IL1RAPL2: variants seen among roughly 807,000 people sequenced by gnomAD.
IL1RAPL2 encodes X-linked interleukin-1 receptor accessory protein-like 2.
A neutral mutation model predicts 44.1 loss-of-function variants in IL1RAPL2; 3 were observed. The ratio of observed to expected loss-of-function variants is 0.07; its 90% CI spans 0.03 to 0.18. IL1RAPL2 has a LOEUF of 0.18. IL1RAPL2 is among the 10% of genes least tolerant of loss of function. IL1RAPL2 has a pLI of 1.00. For synonymous variants in IL1RAPL2, 181 were observed against 178.8 expected (o/e 1.01, Z -0.10); for missense variants, 391 against 496.4 (o/e 0.79, Z 2.02).
chrX:104,853,559 T>G (rs1460242009), intron 2 of IL1RAPL2, among the ~76,000 whole-genome samples: 1 of 110,648 alleles, frequency 9.0e-6, no homozygotes, highest in Non-Finnish European at 1.9e-5. Context: ...ACACAATGCA[T>G]GTGTTGTGAG....
At chrX:104,608,760 G>A (rs897543135) in intron 1 of IL1RAPL2, among the ~76,000 whole-genome samples, 12 of 105,332 alleles carry the variant, frequency 1.1e-4, no homozygotes, top group Non-Finnish European at 2.1e-4. Flanking sequence ...CATGAGATGG[G>A]TCTCCTGAAT....
rs764155120 is a variant in IL1RAPL2, at chrX:104,847,888, C to G, written c.82+188893C>G. 5.4e-5 allele frequency among the ~76,000 whole-genome samples: 6 copies of G among 111,085 alleles called. No homozygotes were observed. In the South Asian group the frequency reaches 2.3e-3, roughly 43 times the overall value. On this transcript the variant is annotated intron_variant, in intron 2 of 10. Coordinates refer to ENST00000372582, the MANE Select transcript of IL1RAPL2 (RefSeq NM_017416.2). ...TTTCATTGAGCATTGGTTTGTAGTT[C>G]TCCTTGAAGAGGTCCTTCACATCCC...
intron 5 of IL1RAPL2, among the ~76,000 whole-genome samples, chrX:105,469,328 G>A (rs1191356755): frequency 9.0e-6 from 1 of 110,653 alleles, no homozygotes. Flanking sequence ...GGAAGGGGGT[G>A]AAAGAGATCA....
intron 2 of IL1RAPL2, among the ~76,000 whole-genome samples, chrX:104,989,501 G>A (rs1024375950): frequency 8.1e-5 from 9 of 111,729 alleles, no homozygotes; most frequent in Non-Finnish European, 1.5e-4. Context: ...TGCATATGTA[G>A]CATATTTTGC....
chrX:104,720,209 G>T (rs1226113185), intron 2 of IL1RAPL2, among the ~76,000 whole-genome samples: 1 of 111,381 alleles, frequency 9.0e-6, no homozygotes, highest in Non-Finnish European at 1.9e-5. Flanking sequence ...AGGCATATCT[G>T]TCACAAAATC....
At chrX:105,240,267 T>G (rs1403569797) in intron 4 of IL1RAPL2, among the ~76,000 whole-genome samples, 4 of 112,782 alleles carry the variant, frequency 3.5e-5, no homozygotes, top group Admixed American at 2.8e-4. Flanking sequence ...ACCAATTGTT[T>G]CTCCAATTTA....
At chrX:105,086,599 T>C (rs2032482399) in intron 2 of IL1RAPL2, among the ~76,000 whole-genome samples, 1 of 110,466 alleles carries the variant, frequency 9.1e-6, no homozygotes, top group Non-Finnish European at 1.9e-5. Context: ...ATTTCAAAAT[T>C]GCTAAGACAG....
At chrX:104,678,813 G>A (rs1212633329) in intron 2 of IL1RAPL2, among the ~76,000 whole-genome samples, 3 of 110,767 alleles carry the variant, frequency 2.7e-5, no homozygotes, top group Non-Finnish European at 1.9e-5. Context: ...ATCACCCATG[G>A]GGCCTGTTGG....
At chrX:105,558,339 G>A (rs187474771) in intron 6 of IL1RAPL2, among the ~76,000 whole-genome samples, 34 of 111,604 alleles carry the variant, frequency 3.0e-4, no homozygotes, top group East Asian at 2.5e-3. Context: ...GCACATAAGC[G>A]CTACTCAGAT....
intron 1 of IL1RAPL2, among the ~76,000 whole-genome samples, chrX:104,598,732 T>C (rs1047123337): frequency 2.7e-5 from 3 of 112,036 alleles, no homozygotes; most frequent in East Asian, 2.8e-4. Context: ...TAAATTATTC[T>C]ATATGAATAT....
intron 2 of IL1RAPL2, among the ~76,000 whole-genome samples, chrX:104,920,139 A>G (rs1924590117): frequency 9.0e-6 from 1 of 111,430 alleles, no homozygotes; most frequent in African/African-American, 3.3e-5. Flanking sequence ...TTACTGAGTT[A>G]TAGTAGTAAA....
chrX:104,633,458 A>T (rs1382431116), intron 1 of IL1RAPL2, among the ~76,000 whole-genome samples: 1 of 111,647 alleles, frequency 9.0e-6, no homozygotes, highest in Non-Finnish European at 1.9e-5. Context: ...TCAGCTGTGA[A>T]TCCATCAGGT....
chrX:104,620,619 G>A (rs1374431586), intron 1 of IL1RAPL2, among the ~76,000 whole-genome samples: 1 of 72,490 alleles, frequency 1.4e-5, no homozygotes, highest in Non-Finnish European at 2.4e-5. Flanking sequence ...CAGCCTGGGT[G>A]ACAGAGCGAG....
At chrX:105,665,107 C>G (rs983830835) in intron 6 of IL1RAPL2, among the ~76,000 whole-genome samples, 5 of 111,726 alleles carry the variant, frequency 4.5e-5, no homozygotes, top group African/African-American at 1.3e-4. Flanking sequence ...CAACAGTAGG[C>G]TATTAGAAGT....
Position 104,717,011 on chromosome X carries a change from G to A in IL1RAPL2, c.82+58016G>A, listed in dbSNP as rs747186219. 3.6e-5 allele frequency among the ~76,000 whole-genome samples: 4 copies of A among 111,849 alleles called. No individual in the cohort carries two copies. The South Asian group carries it at 1.5e-3, about 41-fold the overall frequency. ...TCACTATTCACAATAGCAAAGACAT[G>A]GAATCAACCTAAATGCTGACGAATG... is the stretch of plus-strand genomic sequence containing the variant. On this transcript the variant is annotated intron_variant, in intron 2 of 10. Transcript: ENST00000372582.
chrX:105,301,507 TC>T (rs1406442973), intron 5 of IL1RAPL2, among the ~76,000 whole-genome samples: 1 of 110,482 alleles, frequency 9.1e-6, no homozygotes, highest in Non-Finnish European at 1.9e-5. Context: ...ATCCCCATCT[TC>T]CCCCCGCCCT....
chrX:104,820,606 G>A (rs745372361), intron 2 of IL1RAPL2, among the ~76,000 whole-genome samples: 3 of 111,710 alleles, frequency 2.7e-5, no homozygotes, highest in Admixed American at 9.6e-5. Context: ...GTCTAACTCA[G>A]TACAACATTT....
chrX:104,579,768 A>G (rs1928309263), intron 1 of IL1RAPL2, among the ~76,000 whole-genome samples: 1 of 111,888 alleles, frequency 8.9e-6, no homozygotes, highest in Admixed American at 9.5e-5. Context: ...TTAGAAAAGA[A>G]ACTTAGGGCA....
chrX:105,072,831 T>C (rs2032226688), intron 2 of IL1RAPL2, among the ~76,000 whole-genome samples: 1 of 109,118 alleles, frequency 9.2e-6, no homozygotes, highest in Non-Finnish European at 1.9e-5. Context: ...GATGTTCCCA[T>C]CTCTGAACAC....
Sources: allele counts gnomAD v4.1 joint callset (sites outside exome capture counted in the v4.1 genomes callset), GRCh38; gene constraint gnomAD v4.1.1; transcripts MANE v1.5; gene names NCBI Gene and HGNC (gene_info 2026-07-23, HGNC 2026-07-21).